Variants in SKIC3 observed in about 807,000 individuals in gnomAD.
SKIC3 encodes superkiller complex protein 3.
chr5:95,502,948 CA>C, the SKIC3 span: 52 of 1,613,898 alleles, frequency 3.2e-5, no homozygotes, highest in Non-Finnish European at 4.3e-5. Flanking sequence ...CCAGAGCTGT[CA>C]AGATATGGGC....
the SKIC3 span, among the ~76,000 whole-genome samples, chr5:95,477,140 AC>A: frequency 6.6e-6 from 1 of 152,142 alleles, no homozygotes; most frequent in Non-Finnish European, 1.5e-5. Context: ...GGTCATAAAG[AC>A]CTTTGTTATA....
the SKIC3 span, among the ~76,000 whole-genome samples, chr5:95,517,621 A>G: frequency 6.6e-6 from 1 of 152,128 alleles, no homozygotes; most frequent in Non-Finnish European, 1.5e-5. Context: ...TCCAGGACCA[A>G]TTTCCTTTTA....
At chr5:95,494,815 A>G in the SKIC3 span, 9 of 1,612,970 alleles carry the variant, frequency 5.6e-6, no homozygotes, top group Non-Finnish European at 8.5e-7. Flanking sequence ...AAAAGATGTT[A>G]GCCAATTTTC....
chr5:95,524,547 T>A, the SKIC3 span: 2 of 1,613,864 alleles, frequency 1.2e-6, no homozygotes, highest in Non-Finnish European at 1.7e-6. Flanking sequence ...AAGTTGGTAA[T>A]GATATTCTGC....
chr5:95,524,681 A>G, the SKIC3 span: 2 of 1,569,334 alleles, frequency 1.3e-6, no homozygotes, highest in African/African-American at 1.4e-5. Flanking sequence ...TGGAACAATC[A>G]AAGTTTGAGT....
At chr5:95,513,673 A>G in the SKIC3 span, 5 of 1,589,826 alleles carry the variant, frequency 3.1e-6, no homozygotes, top group Non-Finnish European at 4.3e-6. Flanking sequence ...CAGACTCTTA[A>G]TGTGTTTAAA....
chr5:95,481,833 A>C, the SKIC3 span, among the ~76,000 whole-genome samples: 1 of 152,250 alleles, frequency 6.6e-6, no homozygotes, highest in Non-Finnish European at 1.5e-5. Flanking sequence ...CAGAATAAAA[A>C]ACAAATTATA....
chr5:95,527,924 T>G, the SKIC3 span: 1 of 1,440,748 alleles, frequency 6.9e-7, no homozygotes, highest in African/African-American at 1.4e-5. Flanking sequence ...AAAATCCATA[T>G]AAGTAAATTT....
At chr5:95,464,456 C>A in the SKIC3 span, 1 of 600,434 alleles carries the variant, frequency 1.7e-6, no homozygotes, top group South Asian at 2.2e-5. Flanking sequence ...CAGAAAATTG[C>A]ATTCCTAACT....
chr5:95,523,818 G>A, the SKIC3 span: 2 of 1,613,212 alleles, frequency 1.2e-6, no homozygotes, highest in Non-Finnish European at 8.5e-7. Flanking sequence ...GCCCATATAT[G>A]TATCCAGTCT....
At chr5:95,477,140 A>T in the SKIC3 span, among the ~76,000 whole-genome samples, 5 of 152,142 alleles carry the variant, frequency 3.3e-5, no homozygotes, top group Non-Finnish European at 7.4e-5. Flanking sequence ...GGTCATAAAG[A>T]CCTTTGTTAT....
chr5:95,465,806 T>G, the SKIC3 span, among the ~76,000 whole-genome samples: 1 of 152,184 alleles, frequency 6.6e-6, no homozygotes, highest in Non-Finnish European at 1.5e-5. Flanking sequence ...TATCTACCCT[T>G]TGTTCTGGAG....
chr5:95,548,117 G>C, the SKIC3 span, among the ~76,000 whole-genome samples: 23 of 152,048 alleles, frequency 1.5e-4, no homozygotes, highest in Admixed American at 1.1e-3. Context: ...CTATAAACAA[G>C]TCTAATTCAA....
the SKIC3 span, among the ~76,000 whole-genome samples, chr5:95,538,966 A>C: frequency 6.6e-6 from 1 of 152,158 alleles, no homozygotes; most frequent in Non-Finnish European, 1.5e-5. Flanking sequence ...ACAGTGATTA[A>C]GTTACTGATG....
At chr5:95,464,446 C>A in the SKIC3 span, 5 of 575,352 alleles carry the variant, frequency 8.7e-6, no homozygotes, top group Non-Finnish European at 1.5e-5. Context: ...TTGGAGTTAA[C>A]AGAAAATTGC....
the SKIC3 span, among the ~76,000 whole-genome samples, chr5:95,552,763 T>G: frequency 6.6e-6 from 1 of 151,988 alleles, no homozygotes; most frequent in African/African-American, 2.4e-5. Flanking sequence ...ATAGAATTAC[T>G]GATTAGCAAA....
At chr5:95,539,888 A>C in the SKIC3 span, among the ~76,000 whole-genome samples, 2 of 151,540 alleles carry the variant, frequency 1.3e-5, no homozygotes, top group Non-Finnish European at 2.9e-5. Flanking sequence ...GATTTGATCC[A>C]GTAATCCCTC....
At chr5:95,519,945 C>T in the SKIC3 span, among the ~76,000 whole-genome samples, 1 of 151,870 alleles carries the variant, frequency 6.6e-6, no homozygotes, top group Non-Finnish European at 1.5e-5. Context: ...CAATAAAATT[C>T]AGTGAGATAA....
At chr5:95,523,220 T>G in the SKIC3 span, 2 of 1,613,890 alleles carry the variant, frequency 1.2e-6, no homozygotes, top group Non-Finnish European at 1.7e-6. Flanking sequence ...TGCTTGAGAA[T>G]GCTGACCAGC....
Sources: allele counts gnomAD v4.1 joint callset (sites outside exome capture counted in the v4.1 genomes callset), GRCh38; gene constraint gnomAD v4.1.1; transcripts MANE v1.5; gene names NCBI Gene and HGNC (gene_info 2026-07-23, HGNC 2026-07-21).